Variants in SDK1 observed in about 807,000 individuals in gnomAD.
SDK1 encodes the protein protein sidekick-1.
A neutral mutation model predicts 245.5 loss-of-function variants in SDK1; 157 were observed. The ratio of observed to expected loss-of-function variants is 0.64; its 90% CI spans 0.56 to 0.73. The LOEUF is 0.73. Ranked by LOEUF, SDK1 falls within the 30% of genes least tolerant of loss-of-function variation. SDK1 has a pLI of 0.00. For synonymous variants in SDK1, 1,647 were observed against 1,278.5 expected, an observed-to-expected ratio of 1.29 and a Z score of -6.15; for missense variants, 3,583 against 3,002.3, an observed-to-expected ratio of 1.19 and a Z score of -4.52.
chr7:3,995,274 C>A (rs1300232391), intron 14 of SDK1, among the ~76,000 whole-genome samples: 2 of 152,208 alleles, frequency 1.3e-5, no homozygotes, highest in Admixed American at 6.5e-5. Context: ...CTGTCCCCCT[C>A]TGCCTTTGCC....
At chr7:3,555,774 A>G (rs565875460) in intron 1 of SDK1, among the ~76,000 whole-genome samples, 46 of 152,312 alleles carry the variant, frequency 3.0e-4, no homozygotes, top group African/African-American at 1.1e-3. Flanking sequence ...CTGAATAGAT[A>G]TTTTGCAAAA....
At chr7:3,464,043 TAATC>T (rs1434670206) in intron 1 of SDK1, among the ~76,000 whole-genome samples, 1 of 152,216 alleles carries the variant, frequency 6.6e-6, no homozygotes, top group Non-Finnish European at 1.5e-5. Context: ...AATCTAAAAA[TAATC>T]AAAATCGTTG....
intron 1 of SDK1, among the ~76,000 whole-genome samples, chr7:3,419,223 C>G (rs1275037354): frequency 6.6e-6 from 1 of 152,222 alleles, no homozygotes; most frequent in East Asian, 1.9e-4. Flanking sequence ...CTGAAGCTCA[C>G]AGAGCTTAAG....
intron 4 of SDK1, among the ~76,000 whole-genome samples, chr7:3,655,505 G>A (rs376183548): frequency 0.035 from 1,690 of 47,948 alleles, 95 homozygotes; most frequent in East Asian, 0.078. Context: ...ATATATATAT[G>A]TATGTATGTA....
intron 1 of SDK1, among the ~76,000 whole-genome samples, chr7:3,344,232 A>C (rs1302923227): frequency 6.6e-6 from 1 of 152,204 alleles, no homozygotes; most frequent in African/African-American, 2.4e-5. Flanking sequence ...CAATTTTAAA[A>C]AATGTTTTAA....
intron 18 of SDK1, among the ~76,000 whole-genome samples, chr7:4,051,392 T>A (rs1789465659): frequency 6.6e-6 from 1 of 150,754 alleles, no homozygotes; most frequent in South Asian, 2.1e-4. Flanking sequence ...TATTCTAATA[T>A]GAGTTAAGTA....
intron 1 of SDK1, among the ~76,000 whole-genome samples, chr7:3,528,110 T>TTACC (rs1199021690): frequency 1.5e-5 from 2 of 135,202 alleles, no homozygotes; most frequent in African/African-American, 5.7e-5. Context: ...GGAGGTAAGG[T>TTACC]TGGATCATAG....
In SDK1 at chr7:3,968,650, A is replaced by G. The variant is rs1359095006; in HGVS notation, c.1547-607A>G. On this transcript the variant is annotated intron_variant, in intron 10 of 44. Transcript: ENST00000404826. The stretch of plus-strand genomic sequence containing the variant: ...TAAAAACCGATCACCCAAACATAGC[A>G]ATCACGTTCATGGATCATAATTTGT... Among the ~76,000 whole-genome samples, 10 of 152,350 alleles carry G rather than the reference A, an allele frequency of 6.6e-5. No individual in the cohort carries two copies. The East Asian group carries it at 1.5e-3, about 24-fold the overall frequency.
At chr7:3,676,322 CTTTTTTTTTTTTT>C (rs3086109) in intron 4 of SDK1, among the ~76,000 whole-genome samples, 1 of 133,338 alleles carries the variant, frequency 7.5e-6, no homozygotes, top group Non-Finnish European at 1.6e-5. Flanking sequence ...TCTTCTAGTA[CTTTTTTTTTTTTT>C]TTTTTTTTGA....
chr7:3,821,534 G>C lies in SDK1; in HGVS notation c.798G>C (p.Glu266Asp). 5 of 1,613,652 alleles carry C rather than the reference G, an allele frequency of 3.1e-6. No individual in the cohort carries two copies. Among genetic ancestry groups the C allele is most frequent in the Non-Finnish European group, 4.2e-6 (5 of 1,179,768 alleles). ...AGAYYVQAVN[E>D]KNGENKTSPF... ...CATACTACGTGCAGGCCGTGAATGA[G>C]AAAAATGGAGAAAACAAGACAAGCC... Residue 266 changes from glutamate to aspartate, a missense_variant, in exon 5 of 45, where the codon GAG (glutamate) becomes GAC (aspartate). Physicochemically the swap from Glu to Asp is conservative, Grantham distance 45 (BLOSUM62 2). Transcript: ENST00000404826.
intron 4 of SDK1, among the ~76,000 whole-genome samples, chr7:3,798,151 G>C (rs1019765679): frequency 6.8e-6 from 1 of 147,572 alleles, no homozygotes; most frequent in Non-Finnish European, 1.5e-5. Flanking sequence ...GTTGCATTTA[G>C]TCACCATGTC....
intron 1 of SDK1, among the ~76,000 whole-genome samples, chr7:3,311,316 T>C (rs1319109452): frequency 1.3e-5 from 2 of 152,112 alleles, no homozygotes; most frequent in Non-Finnish European, 2.9e-5. Context: ...GGTAAATAGA[T>C]GAGAACAAAA....
intron 4 of SDK1, among the ~76,000 whole-genome samples, chr7:3,711,720 G>C (rs980523377): frequency 4.6e-5 from 7 of 152,174 alleles, no homozygotes; most frequent in Non-Finnish European, 8.8e-5. Context: ...TCAAGGCAGG[G>C]TGGGAGAGTT....
chr7:3,534,151 A>G (rs1333527713), intron 1 of SDK1, among the ~76,000 whole-genome samples: 3 of 152,192 alleles, frequency 2.0e-5, no homozygotes, highest in African/African-American at 7.2e-5. Context: ...ATCATGCAGT[A>G]TTTGTTCTCT....
At chr7:3,676,548 A>G (rs1003097883) in intron 4 of SDK1, among the ~76,000 whole-genome samples, 3 of 151,038 alleles carry the variant, frequency 2.0e-5, no homozygotes, top group African/African-American at 4.9e-5. Context: ...GATGGTCTCA[A>G]TCTCCTGACC....
intron 5 of SDK1, among the ~76,000 whole-genome samples, chr7:3,872,640 G>A (rs1420745951): frequency 1.4e-5 from 2 of 144,044 alleles, no homozygotes; most frequent in Non-Finnish European, 3.0e-5. Flanking sequence ...CTCGAATATT[G>A]TAGTTGTGCC....
At chr7:3,880,190 A>G (rs2007554) in intron 5 of SDK1, among the ~76,000 whole-genome samples, 44,941 of 152,190 alleles carry the variant, frequency 0.3, 8,296 homozygotes, top group African/African-American at 0.53. Context: ...TGCGTTCTGC[A>G]ACTTCGGGAT....
At chr7:3,640,552 C>G (rs1025536658) in intron 3 of SDK1, among the ~76,000 whole-genome samples, 1 of 152,106 alleles carries the variant, frequency 6.6e-6, no homozygotes, top group African/African-American at 2.4e-5. Context: ...AAAATGTAAT[C>G]ATTAAATAGA....
rs747245455 is a variant in SDK1, at chr7:4,265,112, C to T, written c.6382-12C>T. On this transcript the variant is annotated splice_polypyrimidine_tract_variant and intron_variant, in intron 44 of 44. Coordinates refer to ENST00000404826, the MANE Select transcript of SDK1 (RefSeq NM_152744.4). ...TGCCCTGCACTCACACCTTCTCTCC[C>T]GCTCCCCGCAGGCCACGGACTCTGA... 1.6e-5 allele frequency: 26 copies of T among 1,608,314 alleles called. No homozygotes were observed. The highest frequency in any genetic ancestry group is 1.6e-4 in the African/African-American group (12 of 74,856).
Sources: gnomAD v4.1 joint callset for allele counts (sites outside exome capture counted in the v4.1 genomes callset) on GRCh38, gnomAD v4.1.1 for gene constraint, MANE v1.5 for transcripts, NCBI Gene and HGNC (gene_info 2026-07-23, HGNC 2026-07-21) for gene names.